Variants in SRD5A2 observed in about 807,000 individuals in gnomAD.
SRD5A2 encodes the protein 3-oxo-5-alpha-steroid 4-dehydrogenase 2.
In SRD5A2, 30 loss-of-function variants were observed where a neutral mutation model predicts 27.4. The observed-to-expected ratio is 1.10, with a 90% CI of 0.82 to 1.49. The LOEUF (loss-of-function observed/expected upper bound fraction) is 1.49, where lower values mean the gene tolerates loss of function less well. Ranked by LOEUF, SRD5A2 falls within the 40% of genes most tolerant of loss-of-function variation. The pLI, the probability that SRD5A2 is intolerant of heterozygous loss-of-function variation, is 0.00. For synonymous variants in SRD5A2, 141 were observed against 133.6 expected, an observed-to-expected ratio of 1.06 and a Z score of -0.38; for missense variants, 348 against 323.4, an observed-to-expected ratio of 1.08 and a Z score of -0.58.
chr2:31,541,869 A>T (rs1258026611), intron 1 of SRD5A2, among the ~76,000 whole-genome samples: 1 of 152,210 alleles, frequency 6.6e-6, no homozygotes, highest in Non-Finnish European at 1.5e-5. Context: ...GCCAATGCCA[A>T]CACACACAGG....
chr2:31,622,968 T>C, the SRD5A2 span, among the ~76,000 whole-genome samples: 7 of 152,084 alleles, frequency 4.6e-5, no homozygotes. Flanking sequence ...TCACCTGCTT[T>C]TTCACCTGCT....
chr2:31,662,088 T>C, the SRD5A2 span, among the ~76,000 whole-genome samples: 2 of 151,880 alleles, frequency 1.3e-5, no homozygotes, highest in African/African-American at 4.9e-5. Context: ...TTTACATATG[T>C]TGGTAAAGCA....
intron 1 of SRD5A2, chr2:31,563,170 A>C (rs1036447052): frequency 3.9e-5 from 6 of 152,132 alleles, no homozygotes; most frequent in African/African-American, 1.4e-4. Context: ...TCTAAGTAAA[A>C]TACGTCCCAA....
intron 1 of SRD5A2, among the ~76,000 whole-genome samples, chr2:31,539,716 C>G (rs750783643): frequency 2.7e-4 from 41 of 152,288 alleles, no homozygotes; most frequent in Non-Finnish European, 5.6e-4. Context: ...CCAGTGACAA[C>G]AAGGCCACCT....
At chr2:31,643,311 G>A in the SRD5A2 span, among the ~76,000 whole-genome samples, 3 of 151,992 alleles carry the variant, frequency 2.0e-5, no homozygotes, top group Non-Finnish European at 4.4e-5. Context: ...AAGACAATTC[G>A]AGCCAGTTTT....
chr2:31,632,095 T>G, the SRD5A2 span, among the ~76,000 whole-genome samples: 11 of 151,788 alleles, frequency 7.2e-5, no homozygotes, highest in Non-Finnish European at 2.9e-5. Flanking sequence ...TATCACTCAG[T>G]CAGCTGCAGA....
At chr2:31,580,966 T>C (rs1667071634), upstream of SRD5A2, 4 of 1,505,378 alleles carry the variant, frequency 2.7e-6, no homozygotes, top group East Asian at 4.7e-5. Context: ...GCAACCCCTT[T>C]ATGGAGCGCC....
chr2:31,649,180 C>T, the SRD5A2 span, among the ~76,000 whole-genome samples: 7 of 152,124 alleles, frequency 4.6e-5, no homozygotes, highest in South Asian at 2.1e-4. Context: ...TTTAAACAGC[C>T]GCTAGCTATT....
chr2:31,526,260 A>G lies in SRD5A2; in HGVS notation c.701T>C (p.Phe234Ser). ...LGLRAFHHHRFYLKMFEDYPK... is the reference protein window; with the variant it reads ...LGLRAFHHHRSYLKMFEDYPK... ...GTAGTCCTCAAACATCTTGAGGTAG[A>G]ACCTAAAAGACAAGAAAGGAATAAT... Residue 234 changes from phenylalanine (F) to serine (S), a missense_variant and splice_region_variant, in exon 5 of 5, where the codon TTC becomes TCC. By Grantham distance (155) the Phe-to-Ser change is radical. Transcript: ENST00000622030. 6.4e-7 allele frequency: 1 copy of G among 1,572,738 alleles called. No homozygotes were observed. Among genetic ancestry groups the G allele is most frequent in the African/African-American group, 1.4e-5 (1 of 74,072 alleles).
the SRD5A2 span, among the ~76,000 whole-genome samples, chr2:31,652,803 T>C: frequency 1.3e-5 from 2 of 152,130 alleles, no homozygotes; most frequent in Admixed American, 1.3e-4. Flanking sequence ...TTTGTCAGAA[T>C]TAAAGAAAGC....
chr2:31,639,533 G>C, the SRD5A2 span, among the ~76,000 whole-genome samples: 15 of 152,022 alleles, frequency 9.9e-5, no homozygotes, highest in African/African-American at 2.7e-4. Flanking sequence ...AAGGATTAGT[G>C]GTGCTGAATT....
intron 3 of SRD5A2, among the ~76,000 whole-genome samples, chr2:31,529,821 G>A (rs931464242): frequency 1.8e-4 from 27 of 152,020 alleles, no homozygotes; most frequent in African/African-American, 1.5e-4. Context: ...TTACCTCCCC[G>A]CTCCTTTCCT....
upstream of SRD5A2, among the ~76,000 whole-genome samples, chr2:31,584,564 T>C (rs1204106590): frequency 6.6e-6 from 1 of 152,142 alleles, no homozygotes; most frequent in Admixed American, 6.5e-5. Flanking sequence ...TACCTATACT[T>C]CTAAACAGCT....
the SRD5A2 span, among the ~76,000 whole-genome samples, chr2:31,640,764 G>C: frequency 7.2e-5 from 11 of 152,210 alleles, 1 homozygote; most frequent in African/African-American, 2.4e-4. Flanking sequence ...AGAGTCCCCA[G>C]GGATGGGGAT....
intron 1 of SRD5A2, among the ~76,000 whole-genome samples, chr2:31,568,364 C>G (rs1361028825): frequency 6.6e-6 from 1 of 152,156 alleles, no homozygotes; most frequent in African/African-American, 2.4e-5. Flanking sequence ...CAATGAGGTA[C>G]GCAAACAACT....
the SRD5A2 span, among the ~76,000 whole-genome samples, chr2:31,603,813 T>G: frequency 2.0e-5 from 3 of 151,972 alleles, no homozygotes; most frequent in Admixed American, 6.6e-5. Flanking sequence ...AAATACCACA[T>G]GCTCTCACTT....
At chr2:31,607,977 C>A in the SRD5A2 span, among the ~76,000 whole-genome samples, 2 of 151,964 alleles carry the variant, frequency 1.3e-5, no homozygotes, top group East Asian at 3.9e-4. Flanking sequence ...AATGAGAAGA[C>A]AGCCATCTAC....
At chr2:31,616,688 G>A in the SRD5A2 span, among the ~76,000 whole-genome samples, 3 of 152,188 alleles carry the variant, frequency 2.0e-5, no homozygotes, top group South Asian at 6.2e-4. Flanking sequence ...TGATTTTACA[G>A]GCTCATAGAG....
intron 1 of SRD5A2, among the ~76,000 whole-genome samples, chr2:31,545,537 A>G (rs1201327477): frequency 1.3e-5 from 2 of 152,146 alleles, no homozygotes; most frequent in African/African-American, 4.8e-5. Flanking sequence ...TTCATGATAA[A>G]AGCACCAACC....
Sources: gnomAD v4.1 joint callset for allele counts (sites outside exome capture counted in the v4.1 genomes callset) on GRCh38, gnomAD v4.1.1 for gene constraint, MANE v1.5 for transcripts, NCBI Gene and HGNC (gene_info 2026-07-23, HGNC 2026-07-21) for gene names.